PCDH15: variants seen among roughly 807,000 people sequenced by gnomAD.
PCDH15 encodes protocadherin related 15.
In PCDH15, 129 loss-of-function variants were observed where a neutral mutation model predicts 178.5. The ratio of observed to expected loss-of-function variants is 0.72; its 90% CI spans 0.63 to 0.84. The LOEUF (loss-of-function observed/expected upper bound fraction) is 0.84, where lower values mean the gene tolerates loss of function less well. Ranked by LOEUF, PCDH15 falls within the 40% of genes least tolerant of loss-of-function variation. PCDH15 has a pLI of 0.00. For missense variants in PCDH15, 2,230 were observed against 2,099.9 expected (o/e 1.06, Z -1.21); for synonymous variants, 800 against 732.0 (o/e 1.09, Z -1.50).
At chr10:55,005,226 A>AATAATAATAATCATCATCATC (rs34847205) in intron 2 of PCDH15, among the ~76,000 whole-genome samples, 2 of 146,522 alleles carry the variant, frequency 1.4e-5, no homozygotes, top group Non-Finnish European at 3.0e-5. Context: ...TAATAATAAT[A>AATAATAATAATCATCATCATC]ATCAATGGAG....
chr10:53,956,322 G>A (rs1038226427), intron 23 of PCDH15, among the ~76,000 whole-genome samples: 1 of 152,044 alleles, frequency 6.6e-6, no homozygotes, highest in Non-Finnish European at 1.5e-5. Flanking sequence ...AAGGATTTAG[G>A]AGGCATCCAG....
chr10:55,379,117 T>C (rs114999008), intron 2 of PCDH15, among the ~76,000 whole-genome samples: 4 of 151,868 alleles, frequency 2.6e-5, no homozygotes, highest in Non-Finnish European at 5.9e-5. Context: ...GATATATATA[T>C]ATATATGTAT....
rs370793663 is a variant in PCDH15, at chr10:54,217,063, C to T, written c.986-3015G>A. On this transcript the variant is annotated intron_variant, in intron 9 of 37. Coordinates refer to ENST00000644397, the MANE Select transcript of PCDH15 (RefSeq NM_001384140.1). ...GGAATACATACACACATTTAAAAATCGAAGATAGACTGTAACATAAAAAAT... is the reference window on the plus strand; with the variant it reads ...GGAATACATACACACATTTAAAAATTGAAGATAGACTGTAACATAAAAAAT... Among the ~76,000 whole-genome samples the T allele has an allele frequency of 7.9e-5, 12 of 151,986 alleles. No homozygotes were observed. In the South Asian group the frequency reaches 1.5e-3, roughly 18 times the overall value.
chr10:55,489,998 A>T (rs550427308), intron 2 of PCDH15, among the ~76,000 whole-genome samples: 1 of 151,862 alleles, frequency 6.6e-6, no homozygotes, highest in South Asian at 2.1e-4. Context: ...TTTACCCATG[A>T]AGTTTTAACT....
intron 2 of PCDH15, among the ~76,000 whole-genome samples, chr10:55,455,697 G>GTC: frequency 6.6e-6 from 1 of 151,940 alleles, no homozygotes; most frequent in South Asian, 2.1e-4. Flanking sequence ...AATTAGTATA[G>GTC]CTCTTTTTGA....
chr10:54,138,856 A>T (rs183915387), intron 14 of PCDH15, among the ~76,000 whole-genome samples: 1 of 152,112 alleles, frequency 6.6e-6, no homozygotes, highest in Non-Finnish European at 1.5e-5. Flanking sequence ...TTGGATCTTT[A>T]TGTGTGTTTA....
intron 3 of PCDH15, among the ~76,000 whole-genome samples, chr10:54,827,751 G>A (rs558394334): frequency 1.3e-5 from 2 of 152,140 alleles, no homozygotes; most frequent in African/African-American, 4.8e-5. Context: ...AAAGACAACA[G>A]ATATTTAGTA....
chr10:54,935,555 C>T (rs751403214), intron 2 of PCDH15, among the ~76,000 whole-genome samples: 10 of 152,076 alleles, frequency 6.6e-5, no homozygotes, highest in Non-Finnish European at 1.2e-4. Context: ...CTGGTAACTT[C>T]ATTTTTCTTT....
intron 2 of PCDH15, among the ~76,000 whole-genome samples, chr10:54,586,314 A>G (rs2091463492): frequency 6.6e-6 from 1 of 152,138 alleles, no homozygotes; most frequent in Admixed American, 6.6e-5. Context: ...TTGAGTACCT[A>G]CTATGTTCCA....
chr10:53,919,771 A>C (rs2133864680), intron 25 of PCDH15, among the ~76,000 whole-genome samples: 1 of 152,288 alleles, frequency 6.6e-6, no homozygotes, highest in East Asian at 1.9e-4. Context: ...CTATAGTGAA[A>C]AAAATAATTT....
intron 21 of PCDH15, among the ~76,000 whole-genome samples, chr10:53,968,231 C>T (rs1200991090): frequency 1.3e-5 from 2 of 152,198 alleles, no homozygotes; most frequent in Non-Finnish European, 2.9e-5. Flanking sequence ...GAGGGTCCCA[C>T]ACCCATGAAG....
intron 3 of PCDH15, among the ~76,000 whole-genome samples, chr10:54,828,506 T>A (rs201409594): frequency 6.6e-6 from 1 of 151,890 alleles, no homozygotes; most frequent in Admixed American, 6.6e-5. Context: ...TATGTGTATG[T>A]GTGTGTATAT....
chr10:55,334,723 A>T (rs1435106974), intron 2 of PCDH15, among the ~76,000 whole-genome samples: 1 of 152,164 alleles, frequency 6.6e-6, no homozygotes, highest in Non-Finnish European at 1.5e-5. Flanking sequence ...ACAATATTTA[A>T]AAAGTCTGAT....
At chr10:53,888,097 T>A (rs1386863313) in intron 26 of PCDH15, among the ~76,000 whole-genome samples, 1 of 151,308 alleles carries the variant, frequency 6.6e-6, no homozygotes, top group Non-Finnish European at 1.5e-5. Flanking sequence ...TAAAAAATGC[T>A]ATTAATACTT....
At chr10:55,580,421 G>A (rs1182218848) in intron 2 of PCDH15, among the ~76,000 whole-genome samples, 1 of 144,290 alleles carries the variant, frequency 6.9e-6, no homozygotes, top group Non-Finnish European at 1.5e-5. Flanking sequence ...TAAGTGACAT[G>A]ATCTCGGCTC....
chr10:55,352,791 G>A (rs1176566916), intron 2 of PCDH15, among the ~76,000 whole-genome samples: 1 of 152,064 alleles, frequency 6.6e-6, no homozygotes, highest in African/African-American at 2.4e-5. Context: ...TGGTTGGACT[G>A]AGAAGAAGCT....
intron 2 of PCDH15, among the ~76,000 whole-genome samples, chr10:54,596,883 T>TCAACAAGA (rs970963412): frequency 7.2e-4 from 109 of 152,100 alleles, no homozygotes; most frequent in African/African-American, 1.9e-3. Flanking sequence ...AGGGTTCAAT[T>TCAACAAGA]CAACAAGACC....
At chr10:55,126,625 C>CA (rs539011877) in intron 2 of PCDH15, among the ~76,000 whole-genome samples, 20 of 150,456 alleles carry the variant, frequency 1.3e-4, no homozygotes, top group Non-Finnish European at 2.7e-4. Context: ...TACTTTGACT[C>CA]AAAAAAACAA....
At chr10:54,485,805 GT>G (rs1482706143) in intron 3 of PCDH15, among the ~76,000 whole-genome samples, 2 of 151,996 alleles carry the variant, frequency 1.3e-5, no homozygotes, top group African/African-American at 4.8e-5. Flanking sequence ...AAGACTTCTG[GT>G]TTATCCATAA....
Sources: gnomAD v4.1 joint callset for allele counts (sites outside exome capture counted in the v4.1 genomes callset) on GRCh38, gnomAD v4.1.1 for gene constraint, MANE v1.5 for transcripts, NCBI Gene and HGNC (gene_info 2026-07-23, HGNC 2026-07-21) for gene names.